The following MYO18B variants were observed in gnomAD, a reference collection of about 807,000 sequenced individuals.
MYO18B encodes unconventional myosin-XVIIIb.
In MYO18B, 204 loss-of-function variants were observed where a neutral mutation model predicts 273.0. That is an observed-to-expected ratio of 0.75 (90% CI 0.67 to 0.84). MYO18B has a LOEUF of 0.84. Among genes scored for constraint, MYO18B ranks in the 40% least tolerant of loss-of-function variants. MYO18B has a pLI of 0.00. For synonymous variants in MYO18B, 1,330 were observed against 1,305.7 expected, an observed-to-expected ratio of 1.02 and a Z score of -0.40; for missense variants, 3,212 against 3,287.6, an observed-to-expected ratio of 0.98 and a Z score of 0.56.
intron 27 of MYO18B, 110 bp from the exon 28 acceptor site, chr22:25,895,046 A>G: frequency 7.6e-7 from 1 of 1,308,092 alleles, no homozygotes; most frequent in South Asian, 1.5e-5. Context: ...GGCTCTGTGA[A>G]TATTGTGAAA....
At chr22:25,855,289 T>TG (rs1363979653) in intron 21 of MYO18B, among the ~76,000 whole-genome samples, 1 of 150,170 alleles carries the variant, frequency 6.7e-6, no homozygotes, top group Admixed American at 6.6e-5. Flanking sequence ...CTCATTCTTT[T>TG]TTTTTTTTTT....
rs1483953509 is a variant in MYO18B, at chr22:25,921,325, G to A, written c.5433G>A (p.Leu1811=). Residue 1811 remains leucine, a synonymous_variant, in exon 34 of 44, where the codon TTG becomes TTA. Coordinates refer to ENST00000335473, the MANE Select transcript of MYO18B (RefSeq NM_032608.7). The part of the protein sequence containing the change: ...RRDLRRTHAL[L]SDVQLLLGTM... The stretch of plus-strand genomic sequence containing the variant: ...ACCTCAGGAGGACACATGCACTGTT[G>A]TCAGACGTGCAGCTCCTTCTGGGCA... 3.2e-6 allele frequency: 5 copies of A among 1,573,810 alleles called. No homozygotes were observed. The highest frequency in any genetic ancestry group is 1.4e-5 in the African/African-American group (1 of 74,066).
chr22:25,981,537 C>A (rs1050194382), intron 39 of MYO18B, among the ~76,000 whole-genome samples: 1 of 152,120 alleles, frequency 6.6e-6, no homozygotes, highest in Non-Finnish European at 1.5e-5. Context: ...GCCAGGAAGT[C>A]AAGACCAGCT....
At chr22:26,008,027 A>G (rs992311568) in intron 42 of MYO18B, among the ~76,000 whole-genome samples, 2 of 152,202 alleles carry the variant, frequency 1.3e-5, no homozygotes, top group African/African-American at 2.4e-5. Flanking sequence ...TGAGATTTTT[A>G]AAAACATAAA....
At chr22:25,876,388 C>T in intron 24 of MYO18B, 56 bp downstream of exon 24, 2 of 1,537,902 alleles carry the variant, frequency 1.3e-6, no homozygotes, top group Non-Finnish European at 1.8e-6. Context: ...CCCTGCTCCT[C>T]CTGTTTGCAT....
At chr22:25,788,694 A>G (rs1470164486) in intron 11 of MYO18B, among the ~76,000 whole-genome samples, 1 of 152,104 alleles carries the variant, frequency 6.6e-6, no homozygotes, top group East Asian at 1.9e-4. Context: ...CTTCAACCCA[A>G]CTTCATCCCT....
At chr22:25,955,634 T>TC (rs1318092788) in intron 39 of MYO18B, among the ~76,000 whole-genome samples, 2 of 152,196 alleles carry the variant, frequency 1.3e-5, no homozygotes, top group Non-Finnish European at 2.9e-5. Flanking sequence ...ATCCCAGACT[T>TC]TCTTTTCCTG....
chr22:25,893,766 T>C (rs552882374), intron 27 of MYO18B, among the ~76,000 whole-genome samples: 15 of 151,514 alleles, frequency 9.9e-5, no homozygotes, highest in East Asian at 1.9e-4. Flanking sequence ...CATCTATCCA[T>C]CCATCCACCC....
At chr22:26,015,337 G>C (rs1048709723) in intron 42 of MYO18B, among the ~76,000 whole-genome samples, 1 of 152,146 alleles carries the variant, frequency 6.6e-6, no homozygotes, top group Non-Finnish European at 1.5e-5. Flanking sequence ...TTACCGTAAA[G>C]ACACATGCAT....
rs200121056 is a variant in MYO18B at position 25,984,825 on chromosome 22, A to AGGG, written c.6157-7537_6157-7536insGGG. ...TAAGAAAAAAAAAAAAGTGTAGCAG[A>AGGG]GTTGAGAGTTCTGATCGATGCTGGC... is the stretch of plus-strand genomic sequence containing the variant. On this transcript the variant is annotated intron_variant, in intron 39 of 43. Transcript: ENST00000335473. Among the ~76,000 whole-genome samples the AGGG allele has an allele frequency of 6.5e-3, 978 of 151,120 alleles. 8 individuals are homozygous for AGGG. The highest frequency in any genetic ancestry group is 0.026 in the South Asian group (122 of 4,780).
Position 25,926,292 on chromosome 22 carries a change from G to GT in MYO18B, c.5517+4894dup, listed in dbSNP as rs956485883. Among the ~76,000 whole-genome samples, 1,244 of 145,990 alleles carry GT rather than the reference G, an allele frequency of 8.5e-3. 21 individuals carry two copies. The highest frequency in any genetic ancestry group is 0.028 in the African/African-American group (1,124 of 39,956). ...GATGACAGAAAACCTAGAGAAAGGT[G>GT]TTTTTTTTTTTAAGACAGTGTCACT... On this transcript the variant is annotated intron_variant, in intron 34 of 43. Coordinates refer to ENST00000335473, the MANE Select transcript of MYO18B (RefSeq NM_032608.7).
chr22:25,967,106 A>C lies in MYO18B; in HGVS notation c.6156+11742A>C, dbSNP rs146941958. 8.7e-3 allele frequency among the ~76,000 whole-genome samples: 1,331 copies of C among 152,358 alleles called. 13 individuals carry two copies. Among genetic ancestry groups the C allele is most frequent in the African/African-American group, 0.031 (1,279 of 41,578 alleles). On this transcript the variant is annotated intron_variant, in intron 39 of 43. Transcript: ENST00000335473. ...CGCTGAGGCTCAAGATGGCAAACAG[A>C]GGAGCAGATACTAATCTTGTCCCTT...
chr22:25,872,066 T>C (rs1424273558), intron 22 of MYO18B, among the ~76,000 whole-genome samples: 1 of 152,096 alleles, frequency 6.6e-6, no homozygotes, highest in Non-Finnish European at 1.5e-5. Flanking sequence ...AATGAGCCAA[T>C]TGTGTCTTTA....
At chr22:25,932,558 G>A (rs1486931828) in intron 34 of MYO18B, among the ~76,000 whole-genome samples, 7 of 151,938 alleles carry the variant, frequency 4.6e-5, no homozygotes, top group East Asian at 1.9e-4. Flanking sequence ...ATAGGCATGC[G>A]TCACCATGCC....
intron 40 of MYO18B, among the ~76,000 whole-genome samples, chr22:26,001,965 G>A (rs776355122): frequency 6.6e-5 from 10 of 152,324 alleles, no homozygotes; most frequent in African/African-American, 2.4e-4. Flanking sequence ...GTCAAAGTAG[G>A]TGAGGAAGTA....
intron 21 of MYO18B, among the ~76,000 whole-genome samples, chr22:25,865,290 A>C (rs2090853975): frequency 6.6e-6 from 1 of 152,222 alleles, no homozygotes; most frequent in South Asian, 2.1e-4. Context: ...TGTATGTAAA[A>C]TGAGATCAAC....
intron 31 of MYO18B, among the ~76,000 whole-genome samples, chr22:25,904,429 G>A (rs1349052105): frequency 6.6e-6 from 1 of 152,242 alleles, no homozygotes; most frequent in Non-Finnish European, 1.5e-5. Flanking sequence ...CCCACTTTAC[G>A]GATGTAGAAG....
intron 34 of MYO18B, among the ~76,000 whole-genome samples, chr22:25,930,379 T>G (rs2092481344): frequency 6.6e-6 from 1 of 151,754 alleles, no homozygotes; most frequent in African/African-American, 2.4e-5. Context: ...ACAAAGGTAA[T>G]TAATAAAAAT....
chr22:25,818,931 G>A (rs1293016130), intron 12 of MYO18B, among the ~76,000 whole-genome samples: 1 of 152,076 alleles, frequency 6.6e-6, no homozygotes, highest in Non-Finnish European at 1.5e-5. Flanking sequence ...CTGGCTTTGT[G>A]CGACAAACTG....
Sources: gnomAD v4.1 joint callset for allele counts (sites outside exome capture counted in the v4.1 genomes callset) on GRCh38, gnomAD v4.1.1 for gene constraint, MANE v1.5 for transcripts, NCBI Gene and HGNC (gene_info 2026-07-23, HGNC 2026-07-21) for gene names.